MROH7: variants seen among roughly 807,000 people sequenced by gnomAD.
MROH7 encodes the protein maestro heat-like repeat-containing protein family member 7.
A neutral mutation model predicts 129.2 loss-of-function variants in MROH7; 113 were observed. That is an observed-to-expected ratio of 0.87 (90% CI 0.75 to 1.02). MROH7 has a LOEUF of 1.02. MROH7 is among the 50% of genes least tolerant of loss of function. The pLI, the probability that MROH7 is intolerant of heterozygous loss-of-function variation, is 0.00. For missense variants in MROH7, 1,601 were observed against 1,671.3 expected, an observed-to-expected ratio of 0.96 and a Z score of 0.73; for synonymous variants, 655 against 667.9, an observed-to-expected ratio of 0.98 and a Z score of 0.30.
chr1:54,690,229 A>G (rs12239874), intron 15 of MROH7, among the ~76,000 whole-genome samples: 29,196 of 141,272 alleles, frequency 0.21, 3,089 homozygotes, highest in East Asian at 0.33. Flanking sequence ...CACGGGCGCC[A>G]TTTGGGCTGT....
intron 13 of MROH7, among the ~76,000 whole-genome samples, chr1:54,680,502 C>A (rs1645052534): frequency 6.6e-6 from 1 of 152,028 alleles, no homozygotes; most frequent in African/African-American, 2.4e-5. Context: ...GGAAATGATC[C>A]CTGCAATCCC....
chr1:54,684,860 C>A (rs1467674065), intron 14 of MROH7, among the ~76,000 whole-genome samples: 1 of 152,204 alleles, frequency 6.6e-6, no homozygotes, highest in African/African-American at 2.4e-5. Flanking sequence ...TGTGGAAGAA[C>A]TTCTTAAGCT....
chr1:54,663,239 T>G (rs1644758285), intron 3 of MROH7, among the ~76,000 whole-genome samples: 2 of 152,222 alleles, frequency 1.3e-5, no homozygotes. Context: ...GTTTGTTAGT[T>G]TATTCAATGG....
At chr1:54,681,135 C>T (rs1023443619) in intron 13 of MROH7, among the ~76,000 whole-genome samples, 3 of 152,254 alleles carry the variant, frequency 2.0e-5, no homozygotes, top group East Asian at 1.9e-4. Context: ...GACATAGTCT[C>T]GGGTGCCAAG....
intron 13 of MROH7, among the ~76,000 whole-genome samples, chr1:54,681,282 C>T (rs942096690): frequency 7.2e-5 from 11 of 152,240 alleles, no homozygotes; most frequent in South Asian, 6.2e-4. Flanking sequence ...TCAGGTGTGA[C>T]GAAAGGAGAC....
chr1:54,670,430 G>C, intron 5 of MROH7, 67 bp from the exon 6 acceptor site: 2 of 1,407,374 alleles, frequency 1.4e-6, no homozygotes, highest in Non-Finnish European at 2.0e-6. Flanking sequence ...TGTGACGGGG[G>C]CAGCCTTGGC....
chr1:54,657,240 A>G (rs1421276245), intron 3 of MROH7, among the ~76,000 whole-genome samples: 3 of 151,836 alleles, frequency 2.0e-5, no homozygotes, highest in Non-Finnish European at 4.4e-5. Flanking sequence ...TAGTACAGAC[A>G]GGATTTCACC....
intron 20 of MROH7, 66 bp downstream of exon 20, chr1:54,702,311 C>T (rs1161219656): frequency 2.4e-5 from 32 of 1,313,510 alleles, no homozygotes; most frequent in Non-Finnish European, 3.2e-5. Flanking sequence ...CCTCTTTTTA[C>T]GTTAACCAAG....
chr1:54,657,384 T>G (rs1233544859), intron 3 of MROH7, among the ~76,000 whole-genome samples: 1 of 151,860 alleles, frequency 6.6e-6, no homozygotes, highest in Non-Finnish European at 1.5e-5. Context: ...TAAATTATTA[T>G]TATTATTTTT....
chr1:54,681,162 C>T (rs951337656), intron 13 of MROH7, among the ~76,000 whole-genome samples: 7 of 152,128 alleles, frequency 4.6e-5, no homozygotes, highest in Non-Finnish European at 1.0e-4. Flanking sequence ...CTTGTGTGAG[C>T]CTGAGAATGA....
At position 54,701,434 on chromosome 1, in the gene MROH7, C is replaced by T. The variant is rs550756909; in HGVS notation, c.3285+112C>T. 5.6e-4 allele frequency: 523 copies of T among 928,094 alleles called. 5 individuals carry two copies. The highest frequency in any genetic ancestry group is 4.2e-5 in the Non-Finnish European group (27 of 643,996). 57.5% of individuals were successfully genotyped at this position (928,094 alleles called of 1,614,324 possible). A position where few individuals can be genotyped will look rare whatever the true frequency, so the allele number is the denominator to read the frequency against. On this transcript the variant is annotated intron_variant, in intron 19 of 23. Coordinates refer to ENST00000421030, the MANE Select transcript of MROH7 (RefSeq NM_001039464.4). ...CATCAGGACCTGGGCAGTGTTGGGTCAGCCTACTGGGAGAGGAACTTTGTC... is the reference window on the plus strand; with the variant it reads ...CATCAGGACCTGGGCAGTGTTGGGTTAGCCTACTGGGAGAGGAACTTTGTC...
chr1:54,661,075 G>A (rs188881459), intron 3 of MROH7, among the ~76,000 whole-genome samples: 29 of 150,938 alleles, frequency 1.9e-4, no homozygotes, highest in Admixed American at 4.6e-4. Context: ...AAAAAGTTGG[G>A]TTGTCTCTTT....
At chr1:54,679,227 C>T (rs772715023) in intron 11 of MROH7, 36 bp from the exon 12 acceptor site, 9 of 1,610,818 alleles carry the variant, frequency 5.6e-6, no homozygotes, top group Non-Finnish European at 7.6e-6. Flanking sequence ...TCGGGCTACC[C>T]ATCAGTGTGT....
chr1:54,681,628 GT>G (rs2101135908), intron 13 of MROH7, among the ~76,000 whole-genome samples: 1 of 152,324 alleles, frequency 6.6e-6, no homozygotes, highest in East Asian at 1.9e-4. Flanking sequence ...AAGGGGAAAG[GT>G]TTTTGTTAAC....
chr1:54,676,863 C>T (rs543670337), intron 10 of MROH7, among the ~76,000 whole-genome samples: 23 of 152,048 alleles, frequency 1.5e-4, no homozygotes, highest in East Asian at 3.9e-4. Context: ...CATGCACTAC[C>T]GTGCCTGGCT....
intron 10 of MROH7, among the ~76,000 whole-genome samples, chr1:54,675,862 C>T (rs1644972174): frequency 6.6e-6 from 1 of 151,838 alleles, no homozygotes; most frequent in Non-Finnish European, 1.5e-5. Flanking sequence ...TCTCGAACTT[C>T]TGGGCTCAAG....
chr1:54,699,150 CTTTCTTTCTTTT>C (rs1557727060), intron 17 of MROH7: 3 of 78,728 alleles, frequency 3.8e-5, no homozygotes, highest in African/African-American at 1.5e-4. Flanking sequence ...TTCTTTCTTT[CTTTCTTTCTTTT>C]CTTTCTTTCT....
intron 17 of MROH7, among the ~76,000 whole-genome samples, chr1:54,696,599 T>A (rs1340531251): frequency 2.0e-5 from 3 of 151,750 alleles, no homozygotes; most frequent in Non-Finnish European, 4.4e-5. Flanking sequence ...CCTGGCTGTT[T>A]CCCTAAACAT....
chr1:54,671,349 G>A lies in MROH7; in HGVS notation c.1599+420G>A, dbSNP rs550274283. Among the ~76,000 whole-genome samples the A allele has an allele frequency of 4.6e-5, 7 of 152,326 alleles. No individual in the cohort carries two copies. In the South Asian group the frequency reaches 1.0e-3, roughly 23 times the overall value. On this transcript the variant is annotated intron_variant, in intron 7 of 23. Transcript: ENST00000421030. ...CGGGAGGCAGAGCTTGCAGTGAGCC[G>A]AGATTGCGCCACTGCACTCCAGCCT... is the stretch of plus-strand genomic sequence containing the variant.
Sources: allele counts gnomAD v4.1 joint callset (sites outside exome capture counted in the v4.1 genomes callset), GRCh38; gene constraint gnomAD v4.1.1; transcripts MANE v1.5; gene names NCBI Gene and HGNC (gene_info 2026-07-23, HGNC 2026-07-21).